Variants in INPP5D observed in about 807,000 individuals in gnomAD.
INPP5D encodes the protein inositol polyphosphate-5-phosphatase D, also known as phosphatidylinositol 3,4,5-trisphosphate 5-phosphatase 1.
Under a neutral mutation model 122.9 loss-of-function variants are expected in INPP5D, and 33 were observed. That is an observed-to-expected ratio of 0.27 (90% CI 0.20 to 0.36). INPP5D has a LOEUF of 0.36. INPP5D is among the 10% of genes least tolerant of loss of function. INPP5D has a pLI of 1.00. For synonymous variants in INPP5D, 584 were observed against 576.2 expected (o/e 1.01, Z -0.19); for missense variants, 1,053 against 1,412.7 (o/e 0.75, Z 4.08).
At chr2:233,112,648 C>T (rs1692662760) in intron 2 of INPP5D, among the ~76,000 whole-genome samples, 1 of 152,144 alleles carries the variant, frequency 6.6e-6, no homozygotes, top group African/African-American at 2.4e-5. Flanking sequence ...CACATACACT[C>T]ATTCATGCAC....
intron 24 of INPP5D, among the ~76,000 whole-genome samples, chr2:233,196,365 G>A (rs1229138888): frequency 6.6e-6 from 1 of 152,222 alleles, no homozygotes; most frequent in Non-Finnish European, 1.5e-5. Flanking sequence ...TTGAGTCCCT[G>A]TGATGTGTCC....
intron 2 of INPP5D, among the ~76,000 whole-genome samples, chr2:233,116,248 GATAGATATAGATATAGAT>G (rs57412586): frequency 1.5e-5 from 2 of 135,194 alleles, no homozygotes; most frequent in South Asian, 2.3e-4. Context: ...TAGATAGATA[GATAGATATAGATATAGAT>G]ATAGATATAG....
At chr2:233,159,179 G>T (rs146756646) in intron 10 of INPP5D, among the ~76,000 whole-genome samples, 3 of 152,184 alleles carry the variant, frequency 2.0e-5, no homozygotes, top group African/African-American at 4.8e-5. Context: ...ATGGGTTCCT[G>T]GGGTAAGAGG....
intron 5 of INPP5D, among the ~76,000 whole-genome samples, chr2:233,139,570 GA>G (rs1251091281): frequency 6.6e-6 from 1 of 151,862 alleles, no homozygotes; most frequent in Non-Finnish European, 1.5e-5. Context: ...ACTCAGATTT[GA>G]ATTTTCTACA....
chr2:233,131,635 G>A (rs1693329961), intron 5 of INPP5D, among the ~76,000 whole-genome samples: 1 of 152,178 alleles, frequency 6.6e-6, no homozygotes, highest in South Asian at 2.1e-4. Flanking sequence ...GGGAGGCTGA[G>A]GTTGTGGTGA....
At chr2:233,176,385 G>GTGGA (rs1694630957) in intron 17 of INPP5D, among the ~76,000 whole-genome samples, 1 of 3,678 alleles carries the variant, frequency 2.7e-4, no homozygotes, top group Non-Finnish European at 6.9e-4. Flanking sequence ...GGGTGGGTGG[G>GTGGA]TGGATGGATG....
intron 1 of INPP5D, among the ~76,000 whole-genome samples, chr2:233,074,883 T>C (rs1691478281): frequency 6.6e-6 from 1 of 152,198 alleles, no homozygotes; most frequent in African/African-American, 2.4e-5. Flanking sequence ...ATGGTGAAGA[T>C]GTTCCTGGGT....
chr2:233,136,422 T>C (rs1693465245), intron 5 of INPP5D, among the ~76,000 whole-genome samples: 1 of 150,954 alleles, frequency 6.6e-6, no homozygotes, highest in Non-Finnish European at 1.5e-5. Context: ...GAGGTTGCAG[T>C]GAGCCGAGAT....
chr2:233,089,292 C>T (rs570817344), intron 2 of INPP5D, among the ~76,000 whole-genome samples: 5 of 152,310 alleles, frequency 3.3e-5, no homozygotes, highest in African/African-American at 7.2e-5. Flanking sequence ...GCACTTCATC[C>T]GTGTTCTTTA....
rs1173922366 is a variant in INPP5D, at chr2:233,188,802, A to G, written c.2359-1048A>G. On this transcript the variant is annotated intron_variant, in intron 21 of 26. Transcript: ENST00000445964. The surrounding 1 kb of genome is among the most constrained non-coding windows in gnomAD (Gnocchi z 4.7). ...GGTCTTGAACTCCTGACCTCAAGTG[A>G]TCCACCCACCTCGGCCTCCCAAAGT... 6.6e-6 allele frequency among the ~76,000 whole-genome samples: 1 copy of G among 152,050 alleles called. No homozygotes were observed. The highest frequency in any genetic ancestry group is 1.5e-5 in the Non-Finnish European group (1 of 67,990).
chr2:233,159,535 G>GAAAA (rs374072260), intron 10 of INPP5D, among the ~76,000 whole-genome samples: 46,482 of 142,796 alleles, frequency 0.33, 9,849 homozygotes, highest in Non-Finnish European at 0.48. Context: ...TCATCTCTAC[G>GAAAA]AAAAAAAAAA....
At chr2:233,147,038 C>T (rs1157542152) in intron 8 of INPP5D, among the ~76,000 whole-genome samples, 1 of 152,206 alleles carries the variant, frequency 6.6e-6, no homozygotes, top group African/African-American at 2.4e-5. Flanking sequence ...CATGCCTACG[C>T]AACTGTTGTG....
intron 1 of INPP5D, among the ~76,000 whole-genome samples, chr2:233,077,422 AG>A (rs1379662862): frequency 6.6e-6 from 1 of 152,172 alleles, no homozygotes. Flanking sequence ...GCACTTTGGG[AG>A]GCCGAGGTGG....
chr2:233,206,754 G>A lies in INPP5D; in HGVS notation c.*46G>A, dbSNP rs765499015. On this transcript the variant is annotated 3_prime_UTR_variant, in exon 27 of 27. Coordinates refer to ENST00000445964, the MANE Select transcript of INPP5D (RefSeq NM_001017915.3). This position sits in a 1 kb window ranked among gnomAD's most constrained non-coding sequence, Gnocchi z 4.0. Reference sequence around the variant, plus strand: ...TGAGTCGGGAGCCCAGAGGAACGGCGTGAAGCCACTGGACCCTCTCCCGGG... The same window carrying A: ...TGAGTCGGGAGCCCAGAGGAACGGCATGAAGCCACTGGACCCTCTCCCGGG... The A allele has an allele frequency of 1.6e-5, 12 of 755,334 alleles. No homozygotes were observed. The highest frequency in any genetic ancestry group is 8.5e-5 in the African/African-American group (5 of 58,486). The allele number at this position is 755,334 out of a possible 1,614,324, so 46.8% of individuals were successfully genotyped here. A position where few individuals can be genotyped will look rare whatever the true frequency, so the allele number is the denominator to read the frequency against.
chr2:233,187,723 G>A (rs375167309), intron 21 of INPP5D, among the ~76,000 whole-genome samples: 1 of 152,190 alleles, frequency 6.6e-6, no homozygotes, highest in Non-Finnish European at 1.5e-5. Flanking sequence ...AGAGCTGTCA[G>A]AAGTCCCTGT....
At chr2:233,175,739 G>A (rs564990250) in intron 17 of INPP5D, among the ~76,000 whole-genome samples, 77 of 151,244 alleles carry the variant, frequency 5.1e-4, no homozygotes, top group Admixed American at 5.0e-3. Flanking sequence ...CTGGAGTGCA[G>A]TGGCGCAATC....
chr2:233,103,702 CTTTTTT>C (rs61589704), intron 2 of INPP5D, among the ~76,000 whole-genome samples: 2 of 116,156 alleles, frequency 1.7e-5, no homozygotes, highest in African/African-American at 6.7e-5. Context: ...AAAAGTAGTT[CTTTTTT>C]TTTTTTTTTT....
intron 3 of INPP5D, among the ~76,000 whole-genome samples, chr2:233,125,498 C>T (rs1693129361): frequency 6.6e-6 from 1 of 152,256 alleles, no homozygotes; most frequent in Non-Finnish European, 1.5e-5. Flanking sequence ...GCCTTCCAGA[C>T]CCTCCATGGA....
Position 233,204,566 on chromosome 2 carries a change from C to T in INPP5D, c.3416C>T (p.Pro1139Leu), listed in dbSNP as rs768325159. 6 of 1,566,038 alleles carry T rather than the reference C, an allele frequency of 3.8e-6. No homozygotes were observed. The Admixed American group carries it at 5.7e-5, about 15-fold the overall frequency. Reference sequence around the variant, plus strand: ...CAGCAGACCCCGCCCACCCCGACGCCGCGGCCGCCGCTGCCAGTCAAGAGC... The same window carrying T: ...CAGCAGACCCCGCCCACCCCGACGCTGCGGCCGCCGCTGCCAGTCAAGAGC... ...INQQTPPTPT[P>L]RPPLPVKSPA... Residue 1139 changes from proline to leucine, a missense_variant, in exon 26 of 27, where the codon CCG (proline) becomes CTG (leucine). Physicochemically the swap from Pro to Leu is moderately conservative, Grantham distance 98. This residue lies in a region of INPP5D where 417 missense variants were observed against 425.8 expected (regional missense o/e 0.98). Coordinates refer to ENST00000445964, the MANE Select transcript of INPP5D (RefSeq NM_001017915.3).
Sources: gnomAD v4.1 joint callset for allele counts (sites outside exome capture counted in the v4.1 genomes callset) on GRCh38, gnomAD v4.1.1 for gene constraint, gnomAD v4.1.1 regional missense constraint, Gnocchi (gnomAD v3.1) non-coding constraint, MANE v1.5 for transcripts, NCBI Gene and HGNC (gene_info 2026-07-23, HGNC 2026-07-21) for gene names.